The following ARHGEF10 variants were observed in gnomAD, a reference collection of about 807,000 sequenced individuals.
ARHGEF10 encodes the protein Rho guanine nucleotide exchange factor 10.
A neutral mutation model predicts 147.4 loss-of-function variants in ARHGEF10; 140 were observed. That is an observed-to-expected ratio of 0.95 (90% CI 0.83 to 1.09). The LOEUF (loss-of-function observed/expected upper bound fraction) is 1.09. Ranked by LOEUF, ARHGEF10 falls within the 50% of genes least tolerant of loss-of-function variation. The pLI is 0.00. For missense variants in ARHGEF10, 2,222 were observed against 1,752.7 expected, an observed-to-expected ratio of 1.27 and a Z score of -4.78; for synonymous variants, 902 against 695.8, an observed-to-expected ratio of 1.30 and a Z score of -4.67.
At chr8:1,930,525 C>T (rs1366287718) in intron 25 of ARHGEF10, among the ~76,000 whole-genome samples, 2 of 136,510 alleles carry the variant, frequency 1.5e-5, no homozygotes, top group Non-Finnish European at 3.1e-5. Context: ...TGTGGTGAGT[C>T]CCCAGTGTAC....
chr8:1,836,299 A>G (rs549594982), intron 1 of ARHGEF10, among the ~76,000 whole-genome samples: 3 of 152,122 alleles, frequency 2.0e-5, no homozygotes, highest in South Asian at 2.1e-4. Flanking sequence ...CCAGGCAGGT[A>G]TGAGCTCATG....
intron 15 of ARHGEF10, among the ~76,000 whole-genome samples, chr8:1,900,589 C>T (rs1399413472): frequency 1.3e-5 from 2 of 152,230 alleles, no homozygotes; most frequent in African/African-American, 2.4e-5. Flanking sequence ...CGGGCATGGC[C>T]TGCCTGTTAC....
At chr8:1,930,579 A>G (rs1813047831) in intron 25 of ARHGEF10, among the ~76,000 whole-genome samples, 1 of 148,956 alleles carries the variant, frequency 6.7e-6, no homozygotes, top group Non-Finnish European at 1.5e-5. Context: ...CCTTGCTCAC[A>G]AGGCATTCTG....
At chr8:1,859,693 G>T (rs562063887) in intron 3 of ARHGEF10, among the ~76,000 whole-genome samples, 1 of 152,192 alleles carries the variant, frequency 6.6e-6, no homozygotes, top group East Asian at 1.9e-4. Context: ...GGCTGCATCC[G>T]TCTCACCTGT....
intron 2 of ARHGEF10, among the ~76,000 whole-genome samples, chr8:1,849,269 G>C (rs1804789728): frequency 1.3e-5 from 2 of 151,878 alleles, no homozygotes; most frequent in Non-Finnish European, 2.9e-5. Context: ...ATGCTGAGAA[G>C]GGCGTAGGGC....
Position 1,826,354 on chromosome 8 carries a change from GTGTT to G in ARHGEF10, c.-48+2245_-48+2248del, listed in dbSNP as rs376771412. ...TACGTGTGCGTGTGTCTTTGTGTAT[GTGTT>G]TGTGTTTGTATGCATGTGTGTGCGT... On this transcript the variant is annotated intron_variant, in intron 1 of 28. Coordinates refer to ENST00000349830, the MANE Select transcript of ARHGEF10 (RefSeq NM_014629.4). Among the ~76,000 whole-genome samples the G allele has an allele frequency of 5.5e-3, 829 of 151,908 alleles. 9 individuals carry two copies. The highest frequency in any genetic ancestry group is 0.019 in the African/African-American group (800 of 41,280).
chr8:1,859,391 G>T (rs905428973), intron 3 of ARHGEF10, among the ~76,000 whole-genome samples: 1 of 139,142 alleles, frequency 7.2e-6, no homozygotes, highest in African/African-American at 2.7e-5. Flanking sequence ...CATAGCACCT[G>T]CCTCTCGGTT....
At chr8:1,929,692 T>C (rs1198873750) in intron 25 of ARHGEF10, among the ~76,000 whole-genome samples, 1 of 152,192 alleles carries the variant, frequency 6.6e-6, no homozygotes, top group Non-Finnish European at 1.5e-5. Flanking sequence ...TCTCTCGGCC[T>C]GCCTGTTTCT....
chr8:1,848,678 A>C (rs1804740392), intron 2 of ARHGEF10, among the ~76,000 whole-genome samples: 2 of 152,246 alleles, frequency 1.3e-5, no homozygotes, highest in African/African-American at 2.4e-5. Context: ...TAGAATAAAA[A>C]CTAAAATATA....
At chr8:1,944,220 C>T (rs1468705207) in intron 26 of ARHGEF10, among the ~76,000 whole-genome samples, 4 of 151,242 alleles carry the variant, frequency 2.6e-5, no homozygotes, top group East Asian at 1.9e-4. Flanking sequence ...TGCACCATGT[C>T]GCCTCCCTGG....
At chr8:1,845,095 T>A (rs1182955924) in intron 2 of ARHGEF10, among the ~76,000 whole-genome samples, 1 of 152,218 alleles carries the variant, frequency 6.6e-6, no homozygotes, top group South Asian at 2.1e-4. Context: ...GCCGAGATCC[T>A]TCCACTGAAC....
At chr8:1,874,498 G>C (rs1807475645) in intron 7 of ARHGEF10, among the ~76,000 whole-genome samples, 1 of 152,204 alleles carries the variant, frequency 6.6e-6, no homozygotes, top group South Asian at 2.1e-4. Context: ...GTGTAGACTT[G>C]TTTTGTATGG....
chr8:1,824,475 GAGA>G (rs1802613802), intron 1 of ARHGEF10, among the ~76,000 whole-genome samples: 3 of 151,742 alleles, frequency 2.0e-5, no homozygotes, highest in Non-Finnish European at 4.4e-5. Flanking sequence ...TCCGGTAAAG[GAGA>G]AGAATGCGGT....
chr8:1,888,192 G>A (rs1427620928), intron 11 of ARHGEF10, among the ~76,000 whole-genome samples: 1 of 46,096 alleles, frequency 2.2e-5, no homozygotes. Flanking sequence ...GTGAGGGTTT[G>A]CGAGGAGACA....
chr8:1,880,416 A>G (rs1808088511), intron 9 of ARHGEF10, among the ~76,000 whole-genome samples: 1 of 152,228 alleles, frequency 6.6e-6, no homozygotes, highest in South Asian at 2.1e-4. Flanking sequence ...GCGGAATGCC[A>G]TCTGGCTGTC....
chr8:1,925,009 G>T (rs1284812905), intron 21 of ARHGEF10, among the ~76,000 whole-genome samples: 1 of 152,190 alleles, frequency 6.6e-6, no homozygotes, highest in Non-Finnish European at 1.5e-5. Flanking sequence ...AGCGACGTTT[G>T]GCAGCCTTTG....
chr8:1,925,045 A>G (rs1444192220), intron 21 of ARHGEF10, among the ~76,000 whole-genome samples: 1 of 152,200 alleles, frequency 6.6e-6, no homozygotes, highest in African/African-American at 2.4e-5. Flanking sequence ...GGAGGCGCAA[A>G]CAGGGAGAGG....
chr8:1,838,204 C>G (rs1219075076), intron 1 of ARHGEF10, among the ~76,000 whole-genome samples: 2 of 152,228 alleles, frequency 1.3e-5, no homozygotes, highest in African/African-American at 4.8e-5. Context: ...GACTCCATCT[C>G]CAGCGATCCT....
Position 1,898,475 on chromosome 8 carries a change from C to A in ARHGEF10, c.1600C>A (p.Leu534Met). ...ASPDRTTLYS[L>M]MMKPIQRFPQ... Reference sequence around the variant, plus strand: ...CCCCGATCGAACCACGCTCTACAGCCTGATGATGAAGCCCATCCAGAGGTT... The same window carrying A: ...CCCCGATCGAACCACGCTCTACAGCATGATGATGAAGCCCATCCAGAGGTT... Residue 534 changes from leucine (L) to methionine (M), a missense_variant, in exon 15 of 29, where the codon CTG becomes ATG. Leu to Met is a conservative substitution (Grantham distance 15). Transcript: ENST00000349830. 1 of 1,614,172 alleles carries A rather than the reference C, an allele frequency of 6.2e-7. No individual in the cohort carries two copies. Among genetic ancestry groups the A allele is most frequent in the Non-Finnish European group, 8.5e-7 (1 of 1,180,034 alleles).
Sources: gnomAD v4.1 joint callset for allele counts (sites outside exome capture counted in the v4.1 genomes callset) on GRCh38, gnomAD v4.1.1 for gene constraint, MANE v1.5 for transcripts, NCBI Gene and HGNC (gene_info 2026-07-23, HGNC 2026-07-21) for gene names.